Variants in DTX1 observed in about 807,000 individuals in gnomAD.
DTX1 encodes the protein E3 ubiquitin-protein ligase DTX1.
A neutral mutation model predicts 57.8 loss-of-function variants in DTX1; 26 were observed. The observed-to-expected ratio is 0.45, with a 90% CI of 0.33 to 0.62. DTX1 has a LOEUF of 0.62. Among genes scored for constraint, DTX1 ranks in the 20% least tolerant of loss-of-function variants. The probability of loss-of-function intolerance (pLI) is 0.02; values close to 1 mark genes in which losing one functional copy is unlikely to be tolerated. For missense variants in DTX1, 704 were observed against 895.3 expected, an observed-to-expected ratio of 0.79 and a Z score of 2.73; for synonymous variants, 398 against 394.1, an observed-to-expected ratio of 1.01 and a Z score of -0.12.
Position 113,094,052 on chromosome 12 carries a change from G to A in DTX1, c.1180G>A (p.Asp394Asn). 2.7e-6 allele frequency: 4 copies of A among 1,497,134 alleles called. No homozygotes were observed. The highest frequency in any genetic ancestry group is 3.6e-6 in the Non-Finnish European group (4 of 1,111,718). The allele number at this position is 1,497,134 out of a possible 1,614,324, so 92.7% of individuals were successfully genotyped here. The change falls in exon 6 of 10, where the codon GAT becomes AAT. Residue 394 changes from aspartate (D) to asparagine (N), a missense_variant. Asp to Asn is a conservative substitution (Grantham distance 23). Transcript: ENST00000548759. ...TGTCCCTGCAGGTAAGAATCCCGAGGATGTGGTTCGAAGATACATGCAGAA... is the reference window on the plus strand; with the variant it reads ...TGTCCCTGCAGGTAAGAATCCCGAGAATGTGGTTCGAAGATACATGCAGAA... ...KHLKKSKNPE[D>N]VVRRYMQKVK...
Position 113,062,654 on chromosome 12 carries a change from G to A in DTX1, c.259+4203G>A, listed in dbSNP as rs530669404. On this transcript the variant is annotated intron_variant, in intron 2 of 9. Transcript: ENST00000548759. ...CCTTGTGGTGTGTACCAAGGTACAC[G>A]TGCGTGTGCGTACACACACACAGCA... is the stretch of plus-strand genomic sequence containing the variant. Among the ~76,000 whole-genome samples the A allele has an allele frequency of 8.9e-4, 135 of 152,270 alleles. 1 individual carries two copies. In the South Asian group the frequency reaches 0.013, roughly 14 times the overall value.
At chr12:113,088,462 C>G (rs1408384461) in intron 3 of DTX1, among the ~76,000 whole-genome samples, 3 of 152,204 alleles carry the variant, frequency 2.0e-5, no homozygotes, top group African/African-American at 7.2e-5. Context: ...CATACAGGGC[C>G]TGGTCATGCT....
Position 113,094,818 on chromosome 12 carries a change from C to T in DTX1, c.1257C>T (p.Val419=). The T allele has an allele frequency of 6.2e-7, 1 of 1,613,820 alleles. No individual in the cohort carries two copies. The highest frequency in any genetic ancestry group is 8.5e-7 in the Non-Finnish European group (1 of 1,179,964). Residue 419 remains valine (V), a synonymous_variant, in exon 7 of 10, where the codon GTC becomes GTT. Transcript: ENST00000548759. Reference sequence around the variant, plus strand: ...GCACCATCTGCATGGAGCGACTGGTCACAGCATCAGGCTACGAGGGCGTGC... The same window carrying T: ...GCACCATCTGCATGGAGCGACTGGTTACAGCATCAGGCTACGAGGGCGTGC... ...EDCTICMERL[V]TASGYEGVLR...
chr12:113,069,326 A>G (rs2044724681), intron 2 of DTX1, among the ~76,000 whole-genome samples: 1 of 151,986 alleles, frequency 6.6e-6, no homozygotes, highest in Non-Finnish European at 1.5e-5. Context: ...AGCCCCCCAT[A>G]CAGCCCATGG....
At chr12:113,071,266 GTC>G (rs2044736274) in intron 2 of DTX1, among the ~76,000 whole-genome samples, 1 of 152,186 alleles carries the variant, frequency 6.6e-6, no homozygotes, top group Non-Finnish European at 1.5e-5. Flanking sequence ...CCCACACCCG[GTC>G]TCAGGGGCCC....
chr12:113,064,785 AC>A (rs1472217745), intron 2 of DTX1, among the ~76,000 whole-genome samples: 1 of 152,218 alleles, frequency 6.6e-6, no homozygotes, highest in Non-Finnish European at 1.5e-5. Context: ...CGTAGTAAGC[AC>A]TCATGCTCGA....
chr12:113,094,761 C>A (rs1410217851), intron 6 of DTX1, 28 bp from the exon 7 acceptor site: 1 of 1,605,234 alleles, frequency 6.2e-7, no homozygotes, highest in African/African-American at 1.3e-5. Flanking sequence ...CCTCCCCAGT[C>A]CTCAGTCTCC....
At chr12:113,064,754 C>G (rs573446877) in intron 2 of DTX1, among the ~76,000 whole-genome samples, 4 of 152,152 alleles carry the variant, frequency 2.6e-5, no homozygotes, top group Non-Finnish European at 5.9e-5. Context: ...TAGATAAAAG[C>G]TTGGAGGATA....
chr12:113,094,121 T>TGGGGGGGGGGG, intron 6 of DTX1, 22 bp downstream of exon 6: 14 of 443,296 alleles, frequency 3.2e-5, no homozygotes, highest in Non-Finnish European at 5.1e-5. Context: ...ATGGGGGGGC[T>TGGGGGGGGGGG]GGGGGAGGGC....
chr12:113,095,245 C>T (rs2243397), intron 8 of DTX1, 42 bp downstream of exon 8: 1,260,326 of 1,605,204 alleles, frequency 0.79, 495,553 homozygotes, highest in Admixed American at 0.85. Flanking sequence ...GCCCCCACAC[C>T]CCTCCAACTC....
intron 6 of DTX1, 113 bp from the exon 7 acceptor site, chr12:113,094,676 G>A (rs1950272904): frequency 1.5e-6 from 2 of 1,366,324 alleles, no homozygotes; most frequent in African/African-American, 2.9e-5. Flanking sequence ...TTTGCCAAAT[G>A]GGTACCAGAG....
chr12:113,083,981 G>A (rs1025604130), intron 3 of DTX1, among the ~76,000 whole-genome samples: 3 of 152,244 alleles, frequency 2.0e-5, no homozygotes, highest in African/African-American at 7.2e-5. Flanking sequence ...CAGCTTGCAA[G>A]GGAGGTGTGA....
At chr12:113,058,852 A>T (rs2044648356) in intron 2 of DTX1, among the ~76,000 whole-genome samples, 2 of 152,242 alleles carry the variant, frequency 1.3e-5, no homozygotes, top group South Asian at 4.1e-4. Context: ...AATCACAGGC[A>T]GTAAGTCTGT....
intron 2 of DTX1, among the ~76,000 whole-genome samples, chr12:113,068,865 G>C (rs1157287232): frequency 2.0e-5 from 3 of 152,256 alleles, no homozygotes; most frequent in Non-Finnish European, 2.9e-5. Flanking sequence ...AGGGCTGACA[G>C]TGGAAGTCGG....
chr12:113,063,069 C>A (rs180958661), intron 2 of DTX1, among the ~76,000 whole-genome samples: 7 of 152,316 alleles, frequency 4.6e-5, no homozygotes, highest in African/African-American at 1.7e-4. Flanking sequence ...TTGCTCGCTT[C>A]GCAGTACTGA....
At chr12:113,074,013 C>T (rs1448803082) in intron 2 of DTX1, among the ~76,000 whole-genome samples, 4 of 152,076 alleles carry the variant, frequency 2.6e-5, no homozygotes, top group Admixed American at 2.0e-4. Context: ...GGTGGATCAC[C>T]TGAGGTCAGG....
intron 3 of DTX1, 104 bp downstream of exon 3, chr12:113,078,209 A>G (rs1566017207): frequency 2.2e-5 from 20 of 895,220 alleles, no homozygotes; most frequent in Non-Finnish European, 2.8e-5. Flanking sequence ...TACAATAATA[A>G]TAATGACGAT....
At chr12:113,082,249 C>T (rs181690150) in intron 3 of DTX1, among the ~76,000 whole-genome samples, 7 of 152,272 alleles carry the variant, frequency 4.6e-5, no homozygotes, top group Admixed American at 3.3e-4. Flanking sequence ...AGCCTCACTC[C>T]AGCCCCTCTA....
chr12:113,087,494 G>T (rs982877529), intron 3 of DTX1, among the ~76,000 whole-genome samples: 4 of 152,098 alleles, frequency 2.6e-5, no homozygotes, highest in African/African-American at 7.2e-5. Flanking sequence ...CCAGGACTGT[G>T]GGGGGAGGAG....
Sources: gnomAD v4.1 joint callset for allele counts (sites outside exome capture counted in the v4.1 genomes callset) on GRCh38, gnomAD v4.1.1 for gene constraint, MANE v1.5 for transcripts, NCBI Gene and HGNC (gene_info 2026-07-23, HGNC 2026-07-21) for gene names.